APBB1IP: variants seen among roughly 807,000 people sequenced by gnomAD.
APBB1IP encodes the protein amyloid beta precursor protein binding family B member 1 interacting protein.
A neutral mutation model predicts 64.9 loss-of-function variants in APBB1IP; 27 were observed. The ratio of observed to expected loss-of-function variants is 0.42; its 90% confidence interval spans 0.31 to 0.57. The LOEUF is 0.57. Among genes scored for constraint, APBB1IP ranks in the 20% least tolerant of loss-of-function variants. APBB1IP has a pLI of 0.20. For synonymous variants in APBB1IP, 392 were observed against 331.0 expected (o/e 1.18, Z -2.00); for missense variants, 812 against 845.5 (o/e 0.96, Z 0.49).
intron 10 of APBB1IP, among the ~76,000 whole-genome samples, chr10:26,540,471 G>C (rs1836683473): frequency 6.6e-6 from 1 of 152,122 alleles, no homozygotes; most frequent in Middle Eastern, 3.4e-3. Flanking sequence ...TAAGAAAAAG[G>C]GGTGGTGGAG....
intron 8 of APBB1IP, among the ~76,000 whole-genome samples, chr10:26,529,489 A>G (rs771078823): frequency 2.8e-4 from 42 of 152,262 alleles, no homozygotes; most frequent in Non-Finnish European, 5.3e-4. Flanking sequence ...AGAGAAAGGT[A>G]CAGCTATACA....
intron 2 of APBB1IP, among the ~76,000 whole-genome samples, chr10:26,484,567 A>T (rs1242600201): frequency 6.6e-6 from 1 of 152,198 alleles, no homozygotes; most frequent in African/African-American, 2.4e-5. Flanking sequence ...GGCCTCACAA[A>T]GTGCTGGTAT....
At chr10:26,461,187 G>A (rs1323135794) in intron 2 of APBB1IP, among the ~76,000 whole-genome samples, 3 of 151,482 alleles carry the variant, frequency 2.0e-5, no homozygotes, top group Non-Finnish European at 2.9e-5. Context: ...AAAGAAGGAA[G>A]GAAGGGAAGG....
At chr10:26,497,409 G>T (rs188759350) in intron 4 of APBB1IP, among the ~76,000 whole-genome samples, 226 of 151,096 alleles carry the variant, frequency 1.5e-3, no homozygotes, top group African/African-American at 5.3e-3. Flanking sequence ...AAATTAGCCC[G>T]GTGTGGTGGC....
intron 9 of APBB1IP, among the ~76,000 whole-genome samples, chr10:26,533,979 C>G (rs1055921826): frequency 2.6e-5 from 4 of 151,670 alleles, no homozygotes; most frequent in Non-Finnish European, 2.9e-5. Context: ...TCCCCGCCCC[C>G]CCGAGAACCT....
intron 6 of APBB1IP, among the ~76,000 whole-genome samples, chr10:26,510,734 T>TCACACACACACA (rs1554776713): frequency 6.7e-4 from 91 of 135,976 alleles, no homozygotes; most frequent in East Asian, 5.7e-3. Flanking sequence ...AGACCCTGTC[T>TCACACACACACA]CACACACACA....
chr10:26,456,579 A>G (rs1835527713), intron 2 of APBB1IP, among the ~76,000 whole-genome samples: 1 of 151,964 alleles, frequency 6.6e-6, no homozygotes, highest in Admixed American at 6.6e-5. Context: ...GGCATTATAG[A>G]AGCTGATTTA....
At chr10:26,479,804 A>C (rs1020639310) in intron 2 of APBB1IP, among the ~76,000 whole-genome samples, 1 of 152,204 alleles carries the variant, frequency 6.6e-6, no homozygotes, top group African/African-American at 2.4e-5. Flanking sequence ...GCTGATCAAA[A>C]TTAATTTTTA....
chr10:26,507,842 C>T (rs565269151), intron 6 of APBB1IP, among the ~76,000 whole-genome samples: 5 of 152,292 alleles, frequency 3.3e-5, no homozygotes, highest in South Asian at 2.1e-4. Flanking sequence ...TCCATTCATT[C>T]GCTTCAGCTG....
chr10:26,548,225 T>C (rs962614655), intron 11 of APBB1IP, among the ~76,000 whole-genome samples: 1 of 152,166 alleles, frequency 6.6e-6, no homozygotes, highest in African/African-American at 2.4e-5. Context: ...TTAGGGTACA[T>C]GTGCACAACG....
At chr10:26,488,419 A>G (rs976989899) in intron 2 of APBB1IP, among the ~76,000 whole-genome samples, 1 of 151,974 alleles carries the variant, frequency 6.6e-6, no homozygotes, top group African/African-American at 2.4e-5. Flanking sequence ...AATTTTTTGT[A>G]CAGAAGTTTC....
At chr10:26,439,227 C>T (rs1191786201) in intron 2 of APBB1IP, among the ~76,000 whole-genome samples, 1 of 152,010 alleles carries the variant, frequency 6.6e-6, no homozygotes, top group Non-Finnish European at 1.5e-5. Context: ...TCAGCAGGTC[C>T]GGGAGCCCCA....
chr10:26,439,009 C>G (rs993507884), intron 2 of APBB1IP, among the ~76,000 whole-genome samples, 156 bp downstream of exon 2: 1 of 152,184 alleles, frequency 6.6e-6, no homozygotes, highest in Non-Finnish European at 1.5e-5. Flanking sequence ...GGCCCTCGAG[C>G]GCAGCGGGTC....
At chr10:26,507,818 A>G (rs1298906510) in intron 6 of APBB1IP, among the ~76,000 whole-genome samples, 1 of 152,228 alleles carries the variant, frequency 6.6e-6, no homozygotes, top group Non-Finnish European at 1.5e-5. Context: ...TAAAAGATAG[A>G]ACAGCCAGCA....
chr10:26,503,138 T>G, intron 5 of APBB1IP, 59 bp from the exon 6 acceptor site: 2 of 1,524,662 alleles, frequency 1.3e-6, no homozygotes, highest in South Asian at 2.3e-5. Context: ...ATGACAGAAG[T>G]GATTACTCAC....
intron 2 of APBB1IP, among the ~76,000 whole-genome samples, chr10:26,443,576 G>A (rs961826737): frequency 3.3e-5 from 5 of 151,874 alleles, no homozygotes; most frequent in Non-Finnish European, 5.9e-5. Flanking sequence ...GAGACAGGGT[G>A]CAGGCTGGAG....
chr10:26,467,735 T>G (rs959188858), intron 2 of APBB1IP, among the ~76,000 whole-genome samples: 1 of 152,150 alleles, frequency 6.6e-6, no homozygotes, highest in Non-Finnish European at 1.5e-5. Flanking sequence ...GAATTTTTAT[T>G]TCAGTAAGAA....
intron 3 of APBB1IP, among the ~76,000 whole-genome samples, chr10:26,495,054 C>A (rs1468072242): frequency 6.6e-6 from 1 of 150,460 alleles, no homozygotes; most frequent in Non-Finnish European, 1.5e-5. Context: ...TGTCACCAGG[C>A]TGGAGTGCAG....
chr10:26,555,249 A>C (rs1424548243), intron 11 of APBB1IP, among the ~76,000 whole-genome samples: 1 of 152,048 alleles, frequency 6.6e-6, no homozygotes, highest in East Asian at 1.9e-4. Flanking sequence ...GCTGTTTTAA[A>C]ATGTCCAGTG....
Sources: gnomAD v4.1 joint callset for allele counts (sites outside exome capture counted in the v4.1 genomes callset) on GRCh38, gnomAD v4.1.1 for gene constraint, MANE v1.5 for transcripts, NCBI Gene and HGNC (gene_info 2026-07-23, HGNC 2026-07-21) for gene names.